Variants in RNF135 observed in about 807,000 individuals in gnomAD.
The protein encoded by RNF135 is ring finger protein 135.
A neutral mutation model predicts 41.9 loss-of-function variants in RNF135; 46 were observed. That is an observed-to-expected ratio of 1.10 (90% CI 0.87 to 1.40). The LOEUF (loss-of-function observed/expected upper bound fraction) is 1.40, where lower values mean the gene tolerates loss of function less well. Among genes scored for constraint, RNF135 ranks in the 40% most tolerant of loss-of-function variants. The probability of loss-of-function intolerance (pLI) is 0.00; values close to 1 mark genes in which losing one functional copy is unlikely to be tolerated. For synonymous variants in RNF135, 238 were observed against 223.8 expected (o/e 1.06, Z -0.57); for missense variants, 539 against 549.8 (o/e 0.98, Z 0.20).
At chr17:30,974,966 CT>C (rs1906315219) in intron 1 of RNF135, among the ~76,000 whole-genome samples, 1 of 152,064 alleles carries the variant, frequency 6.6e-6, no homozygotes, top group African/African-American at 2.4e-5. Context: ...GCATGAGCCA[CT>C]GTGCCAGGCC....
chr17:30,984,846 C>A, intron 2 of RNF135, 86 bp downstream of exon 2: 2 of 1,366,890 alleles, frequency 1.5e-6, no homozygotes, highest in Non-Finnish European at 2.1e-6. Context: ...CATATTTGAA[C>A]CTGAAGGATA....
chr17:30,975,980 TA>T (rs758632375), intron 1 of RNF135: 317 of 379,122 alleles, frequency 8.4e-4, no homozygotes, highest in Non-Finnish European at 9.6e-4. Flanking sequence ...AAGTCACATG[TA>T]AAAAAAAATA....
At chr17:30,980,504 C>T (rs1489247412) in intron 1 of RNF135, among the ~76,000 whole-genome samples, 1,515 of 121,554 alleles carry the variant, frequency 0.012, 10 homozygotes, top group Non-Finnish European at 0.017. Flanking sequence ...GGGGGGCTGA[C>T]CCCCCCCACC....
upstream of RNF135, among the ~76,000 whole-genome samples, chr17:30,966,340 T>A (rs993546141): frequency 7.3e-6 from 1 of 137,036 alleles, no homozygotes; most frequent in Non-Finnish European, 1.5e-5. Flanking sequence ...TTGATCTTTT[T>A]TAATTTATTT....
At chr17:30,964,518 C>T in the RNF135 span, among the ~76,000 whole-genome samples, 15 of 151,466 alleles carry the variant, frequency 9.9e-5, no homozygotes, top group Admixed American at 9.2e-4. Context: ...GCATGAGAAC[C>T]GCCTAAACCC....
upstream of RNF135, among the ~76,000 whole-genome samples, chr17:30,966,533 C>T (rs568272540): frequency 1.6e-4 from 24 of 150,826 alleles, no homozygotes; most frequent in African/African-American, 4.9e-5. Flanking sequence ...GTCTCGCTGT[C>T]GCCCAGGCTG....
intron 1 of RNF135, among the ~76,000 whole-genome samples, chr17:30,983,353 A>ATATATATATATTTTTTTT (rs1420453160): frequency 5.6e-5 from 2 of 35,744 alleles, no homozygotes; most frequent in Admixed American, 4.8e-4. Context: ...ATATATATAT[A>ATATATATATATTTTTTTT]TTTTTTTTTT....
chr17:30,992,779 A>AT (rs986184724), intron 3 of RNF135, among the ~76,000 whole-genome samples: 50 of 151,220 alleles, frequency 3.3e-4, no homozygotes, highest in Middle Eastern at 3.4e-3. Flanking sequence ...TTTTTTGTTT[A>AT]TTTTTTTTGT....
intron 1 of RNF135, among the ~76,000 whole-genome samples, chr17:30,981,908 T>G (rs1464801852): frequency 6.6e-6 from 1 of 152,236 alleles, no homozygotes; most frequent in African/African-American, 2.4e-5. Flanking sequence ...ACAGTCTGTC[T>G]GTGTGCTGAG....
intron 3 of RNF135, 26 bp from the exon 4 acceptor site, chr17:30,997,216 C>A: frequency 1.3e-6 from 2 of 1,592,562 alleles, no homozygotes; most frequent in Non-Finnish European, 8.6e-7. Flanking sequence ...ATGGGACTTT[C>A]CTCTGTTAAT....
chr17:30,993,760 T>C (rs1160560490), intron 3 of RNF135: 2 of 988,310 alleles, frequency 2.0e-6, no homozygotes, highest in African/African-American at 1.7e-5. Context: ...TTAAAAAATT[T>C]TTTTCCTTTC....
At chr17:30,973,426 C>T (rs1029883241) in intron 1 of RNF135, 14 of 151,316 alleles carry the variant, frequency 9.3e-5, no homozygotes, top group Admixed American at 4.6e-4. Flanking sequence ...AAATCCATTG[C>T]CAAATCTCAG....
intron 1 of RNF135, among the ~76,000 whole-genome samples, chr17:30,975,156 GAA>G (rs991395869): frequency 2.1e-5 from 3 of 146,040 alleles, no homozygotes; most frequent in Non-Finnish European, 4.5e-5. Flanking sequence ...GAGACCCAAT[GAA>G]AAAAAAAAGA....
intron 1 of RNF135, among the ~76,000 whole-genome samples, chr17:30,983,349 A>ATTTTTT (rs1907339481): frequency 2.6e-5 from 1 of 38,702 alleles, no homozygotes; most frequent in African/African-American, 1.0e-4. Context: ...ATATATATAT[A>ATTTTTT]TATATTTTTT....
At chr17:30,959,171 T>TA in the RNF135 span, 3 of 152,158 alleles carry the variant, frequency 2.0e-5, no homozygotes, top group Non-Finnish European at 4.4e-5. Context: ...AGGAAATTAA[T>TA]AAAGGTACAG....
At position 30,987,999 on chromosome 17, in the gene RNF135, AC is replaced by A; in HGVS notation, c.573del (p.Asp191GlufsTer14). On this transcript the variant is annotated frameshift_variant, in exon 3 of 5. Transcript: ENST00000328381. LOFTEE classifies it high-confidence loss of function. ...SMASPKLVTS[D>X]TAAGKIRDIL... ...GCTTCTCCAAAGCTGGTGACTTCCG[AC>A]ACAGCTGCAGGGAAAATCAGAGATA... The A allele has an allele frequency of 1.2e-6, 2 of 1,614,174 alleles. No homozygotes were observed. Among genetic ancestry groups the A allele is most frequent in the Non-Finnish European group, 1.7e-6 (2 of 1,179,996 alleles).
Position 30,983,343 on chromosome 17 carries a change from ATATATATATATTTTTT to A in RNF135, c.373-1272_373-1257del, listed in dbSNP as rs1428109582. 8.6e-3 allele frequency among the ~76,000 whole-genome samples: 274 copies of A among 31,768 alleles called. 2 individuals are homozygous for A. The highest frequency in any genetic ancestry group is 0.015 in the Non-Finnish European group (230 of 15,408). The allele number at this position is 31,768 out of a possible 152,430, so 20.8% of individuals were successfully genotyped here. A position where few individuals can be genotyped will look rare whatever the true frequency, so the allele number is the denominator to read the frequency against. On this transcript the variant is annotated intron_variant, in intron 1 of 4. Coordinates refer to ENST00000328381, the MANE Select transcript of RNF135 (RefSeq NM_032322.4). ...TACATATATATATATATATATATAT[ATATATATATATTTTTT>A]TTTTTTTTTTTTGAGATGGAGTCTG...
chr17:30,988,774 ATTTTG>A (rs1211239689), intron 3 of RNF135, among the ~76,000 whole-genome samples: 1 of 123,238 alleles, frequency 8.1e-6, no homozygotes, highest in Non-Finnish European at 1.7e-5. Flanking sequence ...TTTTTTAATA[ATTTTG>A]TTTTGTTTTT....
At chr17:30,993,480 C>T (rs959173805) in intron 3 of RNF135, among the ~76,000 whole-genome samples, 13 of 152,022 alleles carry the variant, frequency 8.6e-5, no homozygotes, top group African/African-American at 2.7e-4. Flanking sequence ...GCTGGGATTA[C>T]AGGCATGAGC....
Sources: allele counts gnomAD v4.1 joint callset (sites outside exome capture counted in the v4.1 genomes callset), GRCh38; gene constraint gnomAD v4.1.1; transcripts MANE v1.5; gene names NCBI Gene and HGNC (gene_info 2026-07-23, HGNC 2026-07-21).